The following ERCC6L2 variants were observed in gnomAD, a reference collection of about 807,000 sequenced individuals.
ERCC6L2 encodes ERCC excision repair 6 like 2.
In ERCC6L2, 77 loss-of-function variants were observed where a neutral mutation model predicts 132.0. That is an observed-to-expected ratio of 0.58 (90% CI 0.49 to 0.71). ERCC6L2 has a LOEUF of 0.71. Among genes scored for constraint, ERCC6L2 ranks in the 30% least tolerant of loss-of-function variants. ERCC6L2 has a pLI of 0.00. For synonymous variants in ERCC6L2, 583 were observed against 632.4 expected (o/e 0.92, Z 1.17); for missense variants, 1,542 against 1,837.6 (o/e 0.84, Z 2.94).
intron 12 of ERCC6L2, among the ~76,000 whole-genome samples, chr9:95,944,050 A>G (rs1253587520): frequency 6.6e-6 from 1 of 152,204 alleles, no homozygotes; most frequent in East Asian, 1.9e-4. Flanking sequence ...GAAAGCAGAG[A>G]CTTGAAGAGA....
rs181626084 is a variant in ERCC6L2, at chr9:95,949,568, A to C, written c.1848-6346A>C. On this transcript the variant is annotated intron_variant, in intron 12 of 18. Transcript: ENST00000653738. ...TATATTTAATGTATTGGGGGAAAAA[A>C]AAACAAACAAACTGTCAACTGAGAA... 4.9e-3 allele frequency among the ~76,000 whole-genome samples: 753 copies of C among 152,274 alleles called. 6 individuals are homozygous for C. The highest frequency in any genetic ancestry group is 0.016 in the African/African-American group (662 of 41,508).
In ERCC6L2 at chr9:95,930,048, T is replaced by A. The variant is rs140029660; in HGVS notation, c.1751+1184T>A. Among the ~76,000 whole-genome samples, 46 of 152,338 alleles carry A rather than the reference T, an allele frequency of 3.0e-4. 1 individual carries two copies. The highest frequency in any genetic ancestry group is 9.9e-4 in the African/African-American group (41 of 41,584). The stretch of plus-strand genomic sequence containing the variant: ...ATACTTCGAAAAACATCTTTTTGGA[T>A]GGCATTTTTGCTCTATTAACTCCTG... On this transcript the variant is annotated intron_variant, in intron 11 of 18. Transcript: ENST00000653738.
intron 18 of ERCC6L2, among the ~76,000 whole-genome samples, chr9:96,005,431 GAGAA>G (rs1479561658): frequency 6.6e-6 from 1 of 152,028 alleles, no homozygotes; most frequent in African/African-American, 2.4e-5. Context: ...TAAGAAAAAA[GAGAA>G]AGAGAATAAT....
chr9:95,936,167 G>A (rs1263065024), intron 11 of ERCC6L2, among the ~76,000 whole-genome samples: 1 of 152,160 alleles, frequency 6.6e-6, no homozygotes, highest in Non-Finnish European at 1.5e-5. Context: ...TTAGCTTTTA[G>A]TGGGAAAGGG....
intron 4 of ERCC6L2, among the ~76,000 whole-genome samples, chr9:95,911,219 A>G (rs1438962315): frequency 6.6e-6 from 1 of 152,120 alleles, no homozygotes; most frequent in Non-Finnish European, 1.5e-5. Context: ...TAACCAATAT[A>G]CTGTACCACC....
rs1834177082 is a variant in ERCC6L2 at position 96,015,941 on chromosome 9, T to TC, written c.*2740dup. 6.6e-6 allele frequency among the ~76,000 whole-genome samples: 1 copy of TC among 152,056 alleles called. No homozygotes were observed. Among genetic ancestry groups the TC allele is most frequent in the Non-Finnish European group, 1.5e-5 (1 of 67,986 alleles). On this transcript the variant is annotated 3_prime_UTR_variant, in exon 19 of 19. Coordinates refer to ENST00000653738, the MANE Select transcript of ERCC6L2 (RefSeq NM_020207.7). ...AAAGTGTGTCAGGTGGAATGCAGAG[T>TC]CCAGTATGAAAAGGAGCCTGTTTCA... is the stretch of plus-strand genomic sequence containing the variant.
downstream of ERCC6L2, among the ~76,000 whole-genome samples, chr9:96,018,635 ATTTT>A (rs57092627): frequency 7.0e-6 from 1 of 142,168 alleles, no homozygotes. Flanking sequence ...TAATTTTTGC[ATTTT>A]TTTTTTTTTT....
Position 95,966,568 on chromosome 9 carries a change from C to A in ERCC6L2, c.1954C>A (p.His652Asn). 6.7e-7 allele frequency: 1 copy of A among 1,483,444 alleles called. No homozygotes were observed. Among genetic ancestry groups the A allele is most frequent in the East Asian group, 2.3e-5 (1 of 42,716 alleles). 91.9% of individuals were successfully genotyped at this position (1,483,444 alleles called of 1,614,324 possible). The change falls in exon 14 of 19, where the codon CAC (histidine) becomes AAC (asparagine). Residue 652 changes from histidine to asparagine, a missense_variant. Around this residue, in one of 4 missense-constraint regions of ERCC6L2, gnomAD observed 945 missense variants for 1,105.2 expected, o/e 0.86. Transcript: ENST00000653738. Reference sequence around the variant, plus strand: ...TGTGTTTTTTCTGTTTTAGCAACTTCACTGTGTGGTGGTTGGAAGTGAAAA... The same window carrying A: ...TGTGTTTTTTCTGTTTTAGCAACTTAACTGTGTGGTGGTTGGAAGTGAAAA... ...YLRQIYKQQL[H>N]CVVVGSENAK...
At chr9:95,932,517 G>T (rs1830384750) in intron 11 of ERCC6L2, among the ~76,000 whole-genome samples, 1 of 151,970 alleles carries the variant, frequency 6.6e-6, no homozygotes, top group South Asian at 2.1e-4. Flanking sequence ...TTTTCCTGGG[G>T]TTTGTTTTTT....
At chr9:95,956,466 A>T (rs1490668070) in intron 13 of ERCC6L2, among the ~76,000 whole-genome samples, 1 of 152,182 alleles carries the variant, frequency 6.6e-6, no homozygotes, top group Non-Finnish European at 1.5e-5. Context: ...AGCTTTCTGG[A>T]CAGCAAGAGT....
At chr9:96,004,751 A>G (rs1266581869) in intron 18 of ERCC6L2, 50 bp downstream of exon 18, 1 of 1,139,820 alleles carries the variant, frequency 8.8e-7, no homozygotes, top group Middle Eastern at 2.3e-4. Context: ...CTCAAAGGAA[A>G]TGTAGCTCAT....
chr9:95,912,248 A>G (rs540718674), intron 4 of ERCC6L2, among the ~76,000 whole-genome samples: 1 of 152,200 alleles, frequency 6.6e-6, no homozygotes, highest in East Asian at 1.9e-4. Context: ...TAGCTTCTAG[A>G]ATTTTTGCTA....
At chr9:95,989,568 G>A (rs969212275) in intron 17 of ERCC6L2, among the ~76,000 whole-genome samples, 2 of 152,196 alleles carry the variant, frequency 1.3e-5, no homozygotes, top group African/African-American at 4.8e-5. Flanking sequence ...AAAATACATG[G>A]TTGCTCTCTG....
chr9:95,961,665 G>A (rs527864485), intron 13 of ERCC6L2, among the ~76,000 whole-genome samples: 5 of 152,226 alleles, frequency 3.3e-5, no homozygotes, highest in African/African-American at 1.2e-4. Flanking sequence ...AGGAGCATAT[G>A]TTTGCCATAT....
rs544631637 is a variant in ERCC6L2 at position 95,928,420 on chromosome 9, G to T, written c.1605+270G>T. Reference sequence around the variant, plus strand: ...TCTTTAAGACATTTCATATATTTTAGAACTTAAAAAATAGCATGCATATAT... The same window carrying T: ...TCTTTAAGACATTTCATATATTTTATAACTTAAAAAATAGCATGCATATAT... On this transcript the variant is annotated intron_variant, in intron 10 of 18. Transcript: ENST00000653738. 24 of 402,214 alleles carry T rather than the reference G, an allele frequency of 6.0e-5. No individual in the cohort carries two copies. In the Middle Eastern group the frequency reaches 2.5e-3, roughly 42 times the overall value. The allele number at this position is 402,214 out of a possible 1,614,324, so 24.9% of individuals were successfully genotyped here.
intron 4 of ERCC6L2, 23 bp downstream of exon 4, chr9:95,907,294 G>A: frequency 2.0e-6 from 3 of 1,492,882 alleles, no homozygotes; most frequent in Non-Finnish European, 2.7e-6. Flanking sequence ...ATAGGAATAG[G>A]AATGATTGTA....
At chr9:95,877,937 C>G (rs1194963449) in intron 1 of ERCC6L2, among the ~76,000 whole-genome samples, 1 of 152,094 alleles carries the variant, frequency 6.6e-6, no homozygotes, top group Non-Finnish European at 1.5e-5. Flanking sequence ...AAATTACTCT[C>G]TACTGGAAGG....
At chr9:95,938,054 T>G (rs1050391887) in intron 11 of ERCC6L2, among the ~76,000 whole-genome samples, 2 of 151,986 alleles carry the variant, frequency 1.3e-5, no homozygotes, top group East Asian at 1.9e-4. Context: ...TTTCACAGTT[T>G]TTTTGGATTT....
At chr9:96,010,253 C>CAAT (rs1376685435) in intron 18 of ERCC6L2, among the ~76,000 whole-genome samples, 1 of 152,106 alleles carries the variant, frequency 6.6e-6, no homozygotes, top group East Asian at 1.9e-4. Context: ...GGGAAGTTAA[C>CAAT]AAGACAGTGT....
Sources: gnomAD v4.1 joint callset for allele counts (sites outside exome capture counted in the v4.1 genomes callset) on GRCh38, gnomAD v4.1.1 for gene constraint, gnomAD v4.1.1 regional missense constraint, MANE v1.5 for transcripts, NCBI Gene and HGNC (gene_info 2026-07-23, HGNC 2026-07-21) for gene names.